The following BBIP1 variants were observed in gnomAD, a reference collection of about 807,000 sequenced individuals.
BBIP1 encodes the protein BBSome-interacting protein 1.
A neutral mutation model predicts 8.9 loss-of-function variants in BBIP1; 6 were observed. The ratio of observed to expected loss-of-function variants is 0.67; its 90% CI spans 0.37 to 1.33. BBIP1 has a LOEUF of 1.33. Among genes scored for constraint, BBIP1 ranks in the 40% most tolerant of loss-of-function variants. BBIP1 has a pLI of 0.02. For missense variants in BBIP1, 111 were observed against 109.2 expected, an observed-to-expected ratio of 1.02 and a Z score of -0.07; for synonymous variants, 32 against 33.4, an observed-to-expected ratio of 0.96 and a Z score of 0.14.
intron 2 of BBIP1, among the ~76,000 whole-genome samples, chr10:110,905,798 T>C (rs1030026562): frequency 2.0e-5 from 3 of 152,188 alleles, no homozygotes; most frequent in African/African-American, 7.2e-5. Context: ...ATAAAGGATA[T>C]AATTTCCAGC....
intron 2 of BBIP1, among the ~76,000 whole-genome samples, chr10:110,917,632 TC>T (rs1325444357): frequency 3.3e-5 from 5 of 152,240 alleles, no homozygotes; most frequent in African/African-American, 1.2e-4. Flanking sequence ...CAGCTGAATT[TC>T]TGATAAATTG....
intron 2 of BBIP1, among the ~76,000 whole-genome samples, chr10:110,913,399 A>G (rs1260354711): frequency 6.6e-6 from 1 of 152,194 alleles, no homozygotes; most frequent in African/African-American, 2.4e-5. Flanking sequence ...AAATCTTTGA[A>G]TCTTCATAAA....
intron 3 of BBIP1, chr10:110,900,751 C>T: frequency 4.4e-6 from 2 of 452,476 alleles, no homozygotes; most frequent in Non-Finnish European, 3.9e-6. Flanking sequence ...AGCGTTCTAC[C>T]CAAGAATCTA....
chr10:110,911,473 T>C (rs1239006189), intron 2 of BBIP1: 1 of 152,104 alleles, frequency 6.6e-6, no homozygotes, highest in Non-Finnish European at 1.5e-5. Context: ...GTCATGCATG[T>C]ATTTCAACTA....
chr10:110,918,671 G>C (rs894703460), intron 1 of BBIP1, among the ~76,000 whole-genome samples: 2 of 152,222 alleles, frequency 1.3e-5, no homozygotes, highest in African/African-American at 4.8e-5. Flanking sequence ...GCGGCCTGTA[G>C]AGCGGCCTCA....
At chr10:110,918,422 G>T (rs953696532) in intron 1 of BBIP1, among the ~76,000 whole-genome samples, 4 of 152,232 alleles carry the variant, frequency 2.6e-5, no homozygotes, top group Non-Finnish European at 5.9e-5. Context: ...GAAAAAGATT[G>T]AGGTCCTGCC....
At chr10:110,915,781 G>A (rs772401776) in intron 2 of BBIP1, among the ~76,000 whole-genome samples, 79 of 151,956 alleles carry the variant, frequency 5.2e-4, no homozygotes, top group Non-Finnish European at 9.7e-4. Context: ...TCAGCTCACT[G>A]CAACCTCTGT....
At chr10:110,910,816 G>C (rs1460234625) in intron 2 of BBIP1, 1 of 152,350 alleles carries the variant, frequency 6.6e-6, no homozygotes, top group Admixed American at 6.5e-5. Context: ...GATTCACAGA[G>C]TGTGGAAGTC....
chr10:110,905,110 A>G (rs1253819669), intron 2 of BBIP1, among the ~76,000 whole-genome samples: 1 of 152,222 alleles, frequency 6.6e-6, no homozygotes, highest in Admixed American at 6.5e-5. Flanking sequence ...TGTTGTAGCT[A>G]TTTGAGCTGG....
At chr10:110,908,814 C>G (rs540656623) in intron 2 of BBIP1, among the ~76,000 whole-genome samples, 2 of 149,730 alleles carry the variant, frequency 1.3e-5, no homozygotes, top group Admixed American at 1.3e-4. Context: ...AAAAGAGTTA[C>G]GAGCAATCTG....
Position 110,900,177 on chromosome 10 carries a change from A to G in BBIP1, c.*183T>C, listed in dbSNP as rs1468908336. 4.2e-5 allele frequency: 26 copies of G among 615,188 alleles called. No individual in the cohort carries two copies. Among genetic ancestry groups the G allele is most frequent in the Non-Finnish European group, 5.5e-5 (21 of 385,050 alleles). 38.1% of individuals were successfully genotyped at this position (615,188 alleles called of 1,614,324 possible). On this transcript the variant is annotated 3_prime_UTR_variant, in exon 4 of 4. Coordinates refer to ENST00000448814, the MANE Select transcript of BBIP1 (RefSeq NM_001195305.3). ...TTCATAGTTTAACTGTTTATGTTCA[A>G]TACAAACCAGAGTGTTTACATTCAC...
chr10:110,907,763 C>A (rs1355618674), intron 2 of BBIP1: 1 of 702,420 alleles, frequency 1.4e-6, no homozygotes, highest in Non-Finnish European at 2.6e-6. Flanking sequence ...GTGATTGATA[C>A]AATAACCACG....
intron 2 of BBIP1, chr10:110,907,523 A>AG: frequency 2.0e-6 from 1 of 495,546 alleles, no homozygotes. Flanking sequence ...AAGAAAAAAA[A>AG]AAAAAAAGAA....
intron 2 of BBIP1, chr10:110,917,888 G>A (rs1361131041): frequency 7.0e-6 from 4 of 568,618 alleles, no homozygotes; most frequent in Admixed American, 3.1e-5. Context: ...TAAACTCAGA[G>A]GAAATTACTT....
intron 2 of BBIP1, chr10:110,904,298 A>T (rs187939078): frequency 6.6e-6 from 1 of 152,200 alleles, no homozygotes; most frequent in African/African-American, 2.4e-5. Flanking sequence ...CAGGACAAAA[A>T]CCCAAACTTT....
upstream of BBIP1, chr10:110,919,268 C>T (rs1249084011): frequency 7.3e-6 from 2 of 275,134 alleles, no homozygotes; most frequent in Admixed American, 5.3e-5. Context: ...TCAACAGTAA[C>T]TTCCGATCGG....
chr10:110,916,222 T>C (rs1158475333), intron 2 of BBIP1, among the ~76,000 whole-genome samples: 1 of 152,252 alleles, frequency 6.6e-6, no homozygotes, highest in East Asian at 1.9e-4. Context: ...TTCAATATGA[T>C]GGCTAAAAAC....
chr10:110,900,465 T>G lies in BBIP1; in HGVS notation c.174A>C (p.Leu58Phe). ...CTAGTTTTTCCAGAGTCAGAGATTT[T>G]AAGGGTAAAAGTTTGGGTTTACACA... ...MVLCKPKLLP[L>F]KSLTLEKLEK... The change falls in exon 4 of 4, where the codon TTA (leucine) becomes TTC (phenylalanine). Residue 58 changes from leucine to phenylalanine, a missense_variant. Transcript: ENST00000448814. 6.5e-7 allele frequency: 1 copy of G among 1,535,912 alleles called. No homozygotes were observed. The highest frequency in any genetic ancestry group is 8.7e-7 in the Non-Finnish European group (1 of 1,146,752).
chr10:110,913,412 T>G (rs890247197), intron 2 of BBIP1, among the ~76,000 whole-genome samples: 5 of 152,232 alleles, frequency 3.3e-5, no homozygotes, highest in African/African-American at 1.2e-4. Flanking sequence ...TTCATAAATA[T>G]CATGGTACCT....
Sources: allele counts gnomAD v4.1 joint callset (sites outside exome capture counted in the v4.1 genomes callset), GRCh38; gene constraint gnomAD v4.1.1; transcripts MANE v1.5; gene names NCBI Gene and HGNC (gene_info 2026-07-23, HGNC 2026-07-21).